Variants in PPM1A observed in about 807,000 individuals in gnomAD.
PPM1A encodes protein phosphatase 1A.
PPM1A carries 7 observed loss-of-function variants against 35.0 expected under a neutral mutation model. The observed-to-expected ratio is 0.20, with a 90% CI of 0.11 to 0.38. The LOEUF (loss-of-function observed/expected upper bound fraction) is 0.38. Among genes scored for constraint, PPM1A ranks in the 10% least tolerant of loss-of-function variants. The pLI is 1.00. For synonymous variants in PPM1A, 153 were observed against 167.3 expected, an observed-to-expected ratio of 0.91 and a Z score of 0.66; for missense variants, 239 against 467.8, an observed-to-expected ratio of 0.51 and a Z score of 4.51.
intron 2 of PPM1A, among the ~76,000 whole-genome samples, chr14:60,285,291 G>T (rs980112675): frequency 2.0e-5 from 3 of 152,086 alleles, no homozygotes; most frequent in African/African-American, 4.8e-5. Flanking sequence ...TTTGTATTAG[G>T]TATCACTTCA....
rs78623541 is a variant in PPM1A at position 60,281,591 on chromosome 14, C to T, written c.-20-1093C>T. ...CTCCATTAAATCTCTGTTCATCATG[C>T]TATCCTTCTTTTGGATTGCCTTTAG... On this transcript the variant is annotated intron_variant, in intron 1 of 5. Transcript: ENST00000395076. Among the ~76,000 whole-genome samples, 658 of 152,318 alleles carry T rather than the reference C, an allele frequency of 4.3e-3. 5 individuals carry two copies. Among genetic ancestry groups the T allele is most frequent in the African/African-American group, 0.015 (628 of 41,560 alleles).
At chr14:60,286,515 G>A (rs1887027496) in intron 3 of PPM1A, 1 of 984,882 alleles carries the variant, frequency 1.0e-6, no homozygotes, top group African/African-American at 1.8e-5. Context: ...GGTGAGCTGA[G>A]GTAGAAAAAA....
chr14:60,255,990 G>A (rs1047613999), intron 1 of PPM1A, among the ~76,000 whole-genome samples: 1 of 152,228 alleles, frequency 6.6e-6, no homozygotes, highest in African/African-American at 2.4e-5. Flanking sequence ...ATTAGATGAT[G>A]TGTTAAAGAA....
chr14:60,253,428 T>C (rs1230043069), intron 1 of PPM1A, among the ~76,000 whole-genome samples: 1 of 152,162 alleles, frequency 6.6e-6, no homozygotes, highest in Admixed American at 6.5e-5. Flanking sequence ...AGAACCTAAA[T>C]AACGTGCCAG....
rs545063012 is a variant in PPM1A, at chr14:60,252,293, A to G, written c.-21+2616A>G. Among the ~76,000 whole-genome samples the G allele has an allele frequency of 8.5e-5, 13 of 152,348 alleles. No individual in the cohort carries two copies. The South Asian group carries it at 1.4e-3, about 17-fold the overall frequency. ...GATTAATTTTTTAAGATGTAAATCT[A>G]TGCTCATGTAGAAATAATATAACAA... On this transcript the variant is annotated intron_variant, in intron 1 of 5. Coordinates refer to ENST00000395076, the MANE Select transcript of PPM1A (RefSeq NM_021003.5).
chr14:60,288,700 A>T (rs1887292206), intron 3 of PPM1A: 1 of 244,060 alleles, frequency 4.1e-6, no homozygotes, highest in Admixed American at 6.5e-5. Flanking sequence ...GTCTTTAAAA[A>T]TTTTGAGGCC....
intron 3 of PPM1A, chr14:60,287,169 T>C: frequency 1.1e-6 from 1 of 936,758 alleles, no homozygotes; most frequent in Non-Finnish European, 1.3e-6. Context: ...TAGAAATGAA[T>C]TGCTACTTTT....
At chr14:60,272,952 T>C (rs1566587668) in intron 1 of PPM1A, among the ~76,000 whole-genome samples, 1 of 152,148 alleles carries the variant, frequency 6.6e-6, no homozygotes, top group Non-Finnish European at 1.5e-5. Context: ...TTTTTTCTTT[T>C]CCTTGCATTT....
At chr14:60,258,402 T>G (rs192951427) in intron 1 of PPM1A, among the ~76,000 whole-genome samples, 2 of 152,238 alleles carry the variant, frequency 1.3e-5, no homozygotes, top group East Asian at 3.9e-4. Context: ...ATGAGCAGAT[T>G]AATAAATAAA....
rs1399046132 is a variant in PPM1A at position 60,259,118 on chromosome 14, G to A, written c.-21+9441G>A. On this transcript the variant is annotated intron_variant, in intron 1 of 5. Coordinates refer to ENST00000395076, the MANE Select transcript of PPM1A (RefSeq NM_021003.5). ...AAAGGTTTTTTTCTCTCTTTCCTCA[G>A]CATCTATCTCCCTACATACACAAAA... Among the ~76,000 whole-genome samples, 7 of 151,934 alleles carry A rather than the reference G, an allele frequency of 4.6e-5. No homozygotes were observed. In the East Asian group the frequency reaches 1.3e-3, roughly 29 times the overall value.
At chr14:60,290,793 A>G (rs535728425) in intron 4 of PPM1A, among the ~76,000 whole-genome samples, 3 of 152,168 alleles carry the variant, frequency 2.0e-5, no homozygotes, top group Non-Finnish European at 2.9e-5. Flanking sequence ...TTTTTTTTCC[A>G]TATGACTTTC....
Position 60,294,311 on chromosome 14 carries a change from C to G in PPM1A, c.*1829C>G, listed in dbSNP as rs1175731054. ...GTATTTAATTTATATCTTATTCCAG[C>G]ATGAATGAGGAAAAACTGAAGTACT... On this transcript the variant is annotated 3_prime_UTR_variant, in exon 6 of 6. Transcript: ENST00000395076. 1.3e-5 allele frequency: 2 copies of G among 151,762 alleles called. No individual in the cohort carries two copies. Among genetic ancestry groups the G allele is most frequent in the African/African-American group, 4.8e-5 (2 of 41,386 alleles). The allele number at this position is 151,762 out of a possible 1,614,324, so 9.4% of individuals were successfully genotyped here.
chr14:60,247,390 G>C (rs530922559), upstream of PPM1A, among the ~76,000 whole-genome samples: 1 of 152,172 alleles, frequency 6.6e-6, no homozygotes, highest in South Asian at 2.1e-4. Context: ...AGCACTTTGG[G>C]AGGCCGAGGA....
At chr14:60,253,196 A>T (rs550900055) in intron 1 of PPM1A, among the ~76,000 whole-genome samples, 1 of 152,304 alleles carries the variant, frequency 6.6e-6, no homozygotes, top group East Asian at 1.9e-4. Context: ...AAGTGTATGT[A>T]GTATCCATAT....
chr14:60,252,086 A>G (rs1882495115), intron 1 of PPM1A, among the ~76,000 whole-genome samples: 1 of 152,228 alleles, frequency 6.6e-6, no homozygotes, highest in African/African-American at 2.4e-5. Flanking sequence ...AGCAGTCACT[A>G]AATACCTATA....
rs1888178065 is a variant in PPM1A at position 60,297,914 on chromosome 14, A to G, written c.*5432A>G. 2 of 151,676 alleles carry G rather than the reference A, an allele frequency of 1.3e-5. No homozygotes were observed. The highest frequency in any genetic ancestry group is 4.8e-5 in the African/African-American group (2 of 41,400). The allele number at this position is 151,676 out of a possible 1,614,324, so 9.4% of individuals were successfully genotyped here. On this transcript the variant is annotated 3_prime_UTR_variant, in exon 6 of 6. Coordinates refer to ENST00000395076, the MANE Select transcript of PPM1A (RefSeq NM_021003.5). ...GGCCCCCTGGTTAAGAGCCCATTCT[A>G]AAGTACAATAGGGCATCATCCCTTT...
chr14:60,263,834 G>A (rs1377439903), intron 1 of PPM1A, among the ~76,000 whole-genome samples: 1 of 152,080 alleles, frequency 6.6e-6, no homozygotes, highest in Non-Finnish European at 1.5e-5. Context: ...GAAGTCCTTA[G>A]GAAGTTGTAC....
chr14:60,287,617 C>T, intron 3 of PPM1A: 1 of 985,166 alleles, frequency 1.0e-6, no homozygotes, highest in Non-Finnish European at 1.2e-6. Context: ...ACCTACTAAA[C>T]CTCATTTTAT....
chr14:60,280,154 C>T (rs111509683), intron 1 of PPM1A, among the ~76,000 whole-genome samples: 1,936 of 152,218 alleles, frequency 0.013, 46 homozygotes, highest in African/African-American at 0.044. Context: ...TACGGGCATG[C>T]GCCACCATGC....
Sources: allele counts gnomAD v4.1 joint callset (sites outside exome capture counted in the v4.1 genomes callset), GRCh38; gene constraint gnomAD v4.1.1; transcripts MANE v1.5; gene names NCBI Gene and HGNC (gene_info 2026-07-23, HGNC 2026-07-21).